The following LRFN5 variants were observed in gnomAD, a reference collection of about 807,000 sequenced individuals.
LRFN5 encodes the protein leucine rich repeat and fibronectin type III domain containing 5, also known as leucine-rich repeat and fibronectin type-III domain-containing protein 5.
A neutral mutation model predicts 45.6 loss-of-function variants in LRFN5; 24 were observed. The ratio of observed to expected loss-of-function variants is 0.53; its 90% CI spans 0.38 to 0.74. The LOEUF is 0.74. LRFN5 is among the 30% of genes least tolerant of loss of function. LRFN5 has a pLI of 0.00. For synonymous variants in LRFN5, 340 were observed against 313.8 expected, an observed-to-expected ratio of 1.08 and a Z score of -0.88; for missense variants, 776 against 861.5, an observed-to-expected ratio of 0.90 and a Z score of 1.24.
At chr14:41,652,569 T>C (rs754296774) in intron 1 of LRFN5, among the ~76,000 whole-genome samples, 1 of 152,076 alleles carries the variant, frequency 6.6e-6, no homozygotes, top group Non-Finnish European at 1.5e-5. Context: ...TAGAAAAATA[T>C]GACAAGGAGT....
At chr14:41,843,086 C>CTT (rs539151256) in intron 2 of LRFN5, among the ~76,000 whole-genome samples, 20 of 118,284 alleles carry the variant, frequency 1.7e-4, no homozygotes, top group African/African-American at 4.6e-4. Context: ...TTTGTCTTTT[C>CTT]TTTTTTTTTT....
chr14:41,731,101 G>GAAA (rs1472838474), intron 1 of LRFN5, among the ~76,000 whole-genome samples: 5 of 151,976 alleles, frequency 3.3e-5, no homozygotes, highest in African/African-American at 1.2e-4. Flanking sequence ...TATGGACAAT[G>GAAA]ACAACAACAA....
At chr14:41,838,538 A>T (rs1888744321) in intron 2 of LRFN5, among the ~76,000 whole-genome samples, 1 of 152,174 alleles carries the variant, frequency 6.6e-6, no homozygotes, top group South Asian at 2.1e-4. Flanking sequence ...GAGTAGGAAC[A>T]ATATGTTTAT....
At chr14:41,802,645 C>G (rs1052631578) in intron 2 of LRFN5, among the ~76,000 whole-genome samples, 1 of 152,146 alleles carries the variant, frequency 6.6e-6, no homozygotes, top group African/African-American at 2.4e-5. Context: ...GTTTTGTGGT[C>G]TTTAAATTTT....
At chr14:41,737,700 A>G (rs1430243950) in intron 1 of LRFN5, among the ~76,000 whole-genome samples, 5 of 152,206 alleles carry the variant, frequency 3.3e-5, no homozygotes, top group African/African-American at 1.2e-4. Flanking sequence ...ATTCCTATGC[A>G]CCAATAATAG....
chr14:41,797,698 T>A (rs1340383447), intron 2 of LRFN5, among the ~76,000 whole-genome samples: 2 of 151,710 alleles, frequency 1.3e-5, no homozygotes, highest in African/African-American at 2.4e-5. Context: ...TATATATGTA[T>A]GCATATATTT....
chr14:41,679,881 C>T (rs1881807549), intron 1 of LRFN5, among the ~76,000 whole-genome samples: 1 of 152,110 alleles, frequency 6.6e-6, no homozygotes, highest in Non-Finnish European at 1.5e-5. Flanking sequence ...GGGGAGACCA[C>T]TCCCCTGAAG....
At chr14:41,900,665 C>T (rs916941811) in intron 5 of LRFN5, among the ~76,000 whole-genome samples, 1 of 152,064 alleles carries the variant, frequency 6.6e-6, no homozygotes, top group African/African-American at 2.4e-5. Flanking sequence ...ATACATCACT[C>T]ACTTATTAGC....
At chr14:41,893,844 T>A (rs533688958) in intron 4 of LRFN5, 19 of 985,226 alleles carry the variant, frequency 1.9e-5, no homozygotes, top group Non-Finnish European at 2.2e-5. Flanking sequence ...ACTTTTCACA[T>A]TTGCAAAGTC....
intron 1 of LRFN5, among the ~76,000 whole-genome samples, chr14:41,755,096 G>C (rs1195691728): frequency 6.6e-6 from 1 of 152,124 alleles, no homozygotes; most frequent in Non-Finnish European, 1.5e-5. Flanking sequence ...TCTTAATCCT[G>C]AGTTCTAGTT....
At chr14:41,790,693 C>T (rs959622831) in intron 2 of LRFN5, among the ~76,000 whole-genome samples, 8 of 150,938 alleles carry the variant, frequency 5.3e-5, no homozygotes, top group Non-Finnish European at 1.2e-4. Flanking sequence ...ATTTATCAGT[C>T]GATCATTTAG....
chr14:41,759,709 T>C (rs1403925051), intron 1 of LRFN5, among the ~76,000 whole-genome samples: 1 of 152,194 alleles, frequency 6.6e-6, no homozygotes, highest in East Asian at 1.9e-4. Flanking sequence ...CCAAAGCAAA[T>C]AGCAATTCAG....
chr14:41,812,584 A>G (rs1411346662), intron 2 of LRFN5, among the ~76,000 whole-genome samples: 2 of 151,858 alleles, frequency 1.3e-5, no homozygotes, highest in East Asian at 3.8e-4. Flanking sequence ...AACTTCAGCC[A>G]CATGTCAGAA....
chr14:41,687,405 C>T (rs887471375), intron 1 of LRFN5, among the ~76,000 whole-genome samples: 1 of 152,148 alleles, frequency 6.6e-6, no homozygotes, highest in Non-Finnish European at 1.5e-5. Flanking sequence ...TAAATTAGTT[C>T]AACCACTGTG....
intron 2 of LRFN5, among the ~76,000 whole-genome samples, chr14:41,800,317 G>C (rs754263074): frequency 5.9e-5 from 9 of 152,018 alleles, no homozygotes; most frequent in Non-Finnish European, 1.0e-4. Context: ...ATGTCCTTAA[G>C]TTAAAGCTAA....
chr14:41,754,097 C>G (rs902710077), intron 1 of LRFN5, among the ~76,000 whole-genome samples: 3 of 152,186 alleles, frequency 2.0e-5, no homozygotes, highest in African/African-American at 7.2e-5. Flanking sequence ...ACCAGCGTTG[C>G]ATCACAGGGA....
At chr14:41,644,467 T>C (rs1289991964) in intron 1 of LRFN5, among the ~76,000 whole-genome samples, 1 of 152,214 alleles carries the variant, frequency 6.6e-6, no homozygotes, top group Non-Finnish European at 1.5e-5. Context: ...TAGTGTAATA[T>C]CTGAAAATTA....
intron 1 of LRFN5, among the ~76,000 whole-genome samples, chr14:41,673,155 T>G (rs1414681104): frequency 3.9e-5 from 6 of 152,114 alleles, no homozygotes; most frequent in African/African-American, 1.2e-4. Flanking sequence ...TTCTCAATCT[T>G]TTCCCCGCCT....
At chr14:41,840,887 T>G (rs1888835324) in intron 2 of LRFN5, among the ~76,000 whole-genome samples, 1 of 151,404 alleles carries the variant, frequency 6.6e-6, no homozygotes, top group Non-Finnish European at 1.5e-5. Context: ...GGATTTGGAT[T>G]CAAATATGAA....
Sources: gnomAD v4.1 joint callset for allele counts (sites outside exome capture counted in the v4.1 genomes callset) on GRCh38, gnomAD v4.1.1 for gene constraint, MANE v1.5 for transcripts, NCBI Gene and HGNC (gene_info 2026-07-23, HGNC 2026-07-21) for gene names.